MTUS2: variants seen among roughly 807,000 people sequenced by gnomAD.
MTUS2 encodes the protein microtubule-associated tumor suppressor candidate 2.
MTUS2 carries 40 observed loss-of-function variants against 114.1 expected under a neutral mutation model. The ratio of observed to expected loss-of-function variants is 0.35; its 90% confidence interval spans 0.27 to 0.46. MTUS2 has a LOEUF of 0.46. Among genes scored for constraint, MTUS2 ranks in the 20% least tolerant of loss-of-function variants. The pLI, the probability that MTUS2 is intolerant of heterozygous loss-of-function variation, is 1.00. For synonymous variants in MTUS2, 688 were observed against 672.0 expected, an observed-to-expected ratio of 1.02 and a Z score of -0.37; for missense variants, 1,679 against 1,705.4, an observed-to-expected ratio of 0.98 and a Z score of 0.27.
chr13:29,389,634 C>G (rs867459722), intron 8 of MTUS2, among the ~76,000 whole-genome samples: 1 of 105,534 alleles, frequency 9.5e-6, no homozygotes, highest in Admixed American at 9.0e-5. Context: ...TATGTATACA[C>G]ATATGTGTAT....
intron 2 of MTUS2, among the ~76,000 whole-genome samples, chr13:29,020,400 C>T (rs904886735): frequency 1.3e-5 from 2 of 152,150 alleles, no homozygotes; most frequent in East Asian, 1.9e-4. Flanking sequence ...TCTGTGAAAA[C>T]GTTTATCTTA....
intron 4 of MTUS2, among the ~76,000 whole-genome samples, chr13:29,039,904 C>T (rs1887269351): frequency 6.6e-6 from 1 of 152,330 alleles, no homozygotes; most frequent in Non-Finnish European, 1.5e-5. Flanking sequence ...AGCCTTCCTA[C>T]ATCCATGAAT....
intron 2 of MTUS2, among the ~76,000 whole-genome samples, chr13:28,979,802 A>T (rs1233908194): frequency 6.6e-6 from 1 of 152,214 alleles, no homozygotes; most frequent in Non-Finnish European, 1.5e-5. Context: ...TAACGTTAGC[A>T]TTAAATGTTA....
intron 5 of MTUS2, among the ~76,000 whole-genome samples, chr13:29,247,212 A>G (rs1207954434): frequency 1.3e-5 from 2 of 152,230 alleles, no homozygotes; most frequent in Non-Finnish European, 2.9e-5. Flanking sequence ...GGCAAGCCAC[A>G]TGCAGAAGAA....
chr13:28,867,334 G>A (rs1276793114), intron 2 of MTUS2, among the ~76,000 whole-genome samples: 2 of 152,012 alleles, frequency 1.3e-5, no homozygotes, highest in Non-Finnish European at 2.9e-5. Flanking sequence ...ATTTAATATA[G>A]ATTTTTAAAT....
At chr13:29,237,385 T>C (rs78168691) in intron 5 of MTUS2, among the ~76,000 whole-genome samples, 95 of 152,286 alleles carry the variant, frequency 6.2e-4, no homozygotes, top group Middle Eastern at 3.4e-3. Context: ...ACATCCTCCT[T>C]GTCTCAGGCT....
At chr13:29,262,121 T>C (rs565838547) in intron 5 of MTUS2, among the ~76,000 whole-genome samples, 25 of 152,370 alleles carry the variant, frequency 1.6e-4, no homozygotes, top group African/African-American at 5.5e-4. Context: ...CTGGCTTTGA[T>C]CTTCTGTGAT....
chr13:29,345,521 T>C (rs955520338), intron 7 of MTUS2, among the ~76,000 whole-genome samples: 3 of 151,874 alleles, frequency 2.0e-5, no homozygotes, highest in African/African-American at 7.3e-5. Context: ...GATTGTTTTT[T>C]ATTTATTTAT....
intron 5 of MTUS2, among the ~76,000 whole-genome samples, chr13:29,268,290 G>T (rs1002191969): frequency 6.6e-6 from 1 of 152,128 alleles, no homozygotes; most frequent in Non-Finnish European, 1.5e-5. Flanking sequence ...GATGGACAGC[G>T]GATTTGAGGA....
intron 5 of MTUS2, among the ~76,000 whole-genome samples, chr13:29,232,347 C>T (rs1434385788): frequency 6.6e-6 from 1 of 151,694 alleles, no homozygotes; most frequent in Non-Finnish European, 1.5e-5. Flanking sequence ...TATGGGCACA[C>T]ACATGTATAT....
intron 8 of MTUS2, among the ~76,000 whole-genome samples, chr13:29,381,803 T>C (rs1488589850): frequency 6.6e-6 from 1 of 152,128 alleles, no homozygotes; most frequent in East Asian, 1.9e-4. Flanking sequence ...ACCCTTTCTC[T>C]GTTTCATGGA....
intron 8 of MTUS2, among the ~76,000 whole-genome samples, chr13:29,372,022 G>A (rs1871238650): frequency 7.8e-6 from 1 of 128,858 alleles, no homozygotes; most frequent in Non-Finnish European, 1.5e-5. Context: ...TAACTGTGAG[G>A]TGATGGATGT....
At chr13:29,376,383 C>G (rs1014778310) in intron 8 of MTUS2, among the ~76,000 whole-genome samples, 1 of 151,976 alleles carries the variant, frequency 6.6e-6, no homozygotes, top group Non-Finnish European at 1.5e-5. Context: ...TATCATAATT[C>G]CCAGACCAAC....
chr13:28,879,089 G>C (rs1317128344), intron 2 of MTUS2, among the ~76,000 whole-genome samples: 1 of 152,160 alleles, frequency 6.6e-6, no homozygotes. Context: ...ATGATGTTGA[G>C]CTTTTTTTCA....
At chr13:29,495,181 C>CAAAAA (rs71090260) in intron 12 of MTUS2, among the ~76,000 whole-genome samples, 2 of 30,078 alleles carry the variant, frequency 6.6e-5, no homozygotes, top group Admixed American at 5.0e-4. Flanking sequence ...AACTCCGTCT[C>CAAAAA]AAAAAAAAAA....
intron 2 of MTUS2, among the ~76,000 whole-genome samples, chr13:28,917,605 G>C (rs1209416423): frequency 6.6e-6 from 1 of 150,868 alleles, no homozygotes; most frequent in African/African-American, 2.4e-5. Flanking sequence ...TGTTCGGGTA[G>C]TCTCTCTGTT....
chr13:29,364,368 T>A (rs1370774889), intron 8 of MTUS2, among the ~76,000 whole-genome samples: 2 of 152,074 alleles, frequency 1.3e-5, no homozygotes, highest in Admixed American at 1.3e-4. Context: ...GTGCCCCCGC[T>A]CCCTGCATAT....
chr13:29,389,355 A>ACACGTGTGTATGCATGTATACACGTGTG (rs1566172568), intron 8 of MTUS2, among the ~76,000 whole-genome samples: 1 of 82,662 alleles, frequency 1.2e-5, no homozygotes, highest in African/African-American at 6.3e-5. Flanking sequence ...GTGTGTGTAT[A>ACACGTGTGTATGCATGTATACACGTGTG]TATGTATGCA....
chr13:28,841,754 T>C (rs2137989636), intron 2 of MTUS2, among the ~76,000 whole-genome samples: 1 of 152,142 alleles, frequency 6.6e-6, no homozygotes, highest in African/African-American at 2.4e-5. Flanking sequence ...CGGCGTGATC[T>C]CCGCTCACTG....
Sources: gnomAD v4.1 joint callset for allele counts (sites outside exome capture counted in the v4.1 genomes callset) on GRCh38, gnomAD v4.1.1 for gene constraint, MANE v1.5 for transcripts, NCBI Gene and HGNC (gene_info 2026-07-23, HGNC 2026-07-21) for gene names.